Variants in NME7 observed in about 807,000 individuals in gnomAD.
NME7 encodes the protein NME/NM23 family member 7, also known as nucleoside diphosphate kinase 7.
Under a neutral mutation model 49.1 loss-of-function variants are expected in NME7, and 41 were observed. The observed-to-expected ratio is 0.83, with a 90% CI of 0.65 to 1.08. The LOEUF (loss-of-function observed/expected upper bound fraction) is 1.08, where lower values mean the gene tolerates loss of function less well. Ranked by LOEUF, NME7 falls within the 50% of genes least tolerant of loss-of-function variation. The probability of loss-of-function intolerance (pLI) is 0.00; values close to 1 mark genes in which losing one functional copy is unlikely to be tolerated. For missense variants in NME7, 423 were observed against 463.4 expected, an observed-to-expected ratio of 0.91 and a Z score of 0.80; for synonymous variants, 139 against 150.6, an observed-to-expected ratio of 0.92 and a Z score of 0.56.
intron 10 of NME7, among the ~76,000 whole-genome samples, chr1:169,217,342 C>T (rs1660999136): frequency 6.6e-6 from 1 of 152,048 alleles, no homozygotes; most frequent in Non-Finnish European, 1.5e-5. Context: ...AATTGGGATG[C>T]ACTCCAAGTG....
intron 1 of NME7, among the ~76,000 whole-genome samples, chr1:169,366,099 T>C (rs572156386): frequency 1.3e-5 from 2 of 152,284 alleles, no homozygotes; most frequent in South Asian, 4.1e-4. Flanking sequence ...GTAGAATCCA[T>C]GTGAGTGGAC....
intron 1 of NME7, among the ~76,000 whole-genome samples, chr1:169,346,576 C>T (rs1428029214): frequency 6.6e-6 from 1 of 152,214 alleles, no homozygotes; most frequent in Non-Finnish European, 1.5e-5. Flanking sequence ...TCAGTACCCC[C>T]AACATTCATT....
At chr1:169,352,366 T>TA (rs1352600861) in intron 1 of NME7, among the ~76,000 whole-genome samples, 71 of 152,152 alleles carry the variant, frequency 4.7e-4, no homozygotes, top group Non-Finnish European at 8.1e-4. Context: ...AAGCATTTGA[T>TA]AAAATTCAAC....
chr1:169,274,622 C>T (rs1279473111), intron 7 of NME7, among the ~76,000 whole-genome samples: 1 of 133,186 alleles, frequency 7.5e-6, no homozygotes, highest in African/African-American at 2.5e-5. Flanking sequence ...AGTCTTTAAT[C>T]CATCTTGAAT....
intron 7 of NME7, among the ~76,000 whole-genome samples, chr1:169,279,351 C>A (rs1649898716): frequency 6.6e-6 from 1 of 152,228 alleles, no homozygotes. Context: ...CCAGTTCGAG[C>A]TTCCAGGCTG....
chr1:169,212,599 CTTTTT>C (rs71121740), intron 10 of NME7, among the ~76,000 whole-genome samples: 1 of 116,434 alleles, frequency 8.6e-6, no homozygotes. Context: ...AACAAATGTC[CTTTTT>C]TTTTTTTTTT....
chr1:169,301,803 C>T (rs1039393560), intron 5 of NME7, among the ~76,000 whole-genome samples: 5 of 152,068 alleles, frequency 3.3e-5, no homozygotes, highest in African/African-American at 1.2e-4. Flanking sequence ...TAATCCTAAA[C>T]AAATTAATCC....
intron 1 of NME7, among the ~76,000 whole-genome samples, chr1:169,346,360 T>C (rs898385702): frequency 7.9e-5 from 12 of 152,192 alleles, no homozygotes; most frequent in African/African-American, 2.7e-4. Flanking sequence ...TTGCTTACTT[T>C]GCCTTAGCCA....
chr1:169,274,329 T>A (rs556421014), intron 7 of NME7, among the ~76,000 whole-genome samples: 1,628 of 133,674 alleles, frequency 0.012, 271 homozygotes, highest in African/African-American at 0.026. Context: ...TTTTTTCTTG[T>A]AAATTTGTTT....
intron 10 of NME7, among the ~76,000 whole-genome samples, chr1:169,227,128 T>C (rs1197377675): frequency 6.6e-6 from 1 of 152,102 alleles, no homozygotes; most frequent in South Asian, 2.1e-4. Flanking sequence ...AGAAAAAAAA[T>C]GGGAATCAGC....
rs77271624 is a variant in NME7 at position 169,231,853 on chromosome 1, C to A, written c.889-1034G>T. Among the ~76,000 whole-genome samples, 1,256 of 152,176 alleles carry A rather than the reference C, an allele frequency of 8.3e-3. 10 individuals carry two copies. Among genetic ancestry groups the A allele is most frequent in the Middle Eastern group, 0.02 (6 of 294 alleles). Reference sequence around the variant, plus strand: ...AAGACTCAAAAGTTTCAAATTGATTCCAAGTGATTTAACTAGGTGCCAGAC... The same window carrying A: ...AAGACTCAAAAGTTTCAAATTGATTACAAGTGATTTAACTAGGTGCCAGAC... On this transcript the variant is annotated intron_variant, in intron 9 of 11. Coordinates refer to ENST00000367811, the MANE Select transcript of NME7 (RefSeq NM_013330.5).
At chr1:169,178,369 G>C (rs1659821138) in intron 10 of NME7, among the ~76,000 whole-genome samples, 1 of 152,100 alleles carries the variant, frequency 6.6e-6, no homozygotes, top group Non-Finnish European at 1.5e-5. Flanking sequence ...CTACCTTCTT[G>C]CTAATGTTGC....
At chr1:169,231,172 T>G (rs1647597672) in intron 9 of NME7, among the ~76,000 whole-genome samples, 1 of 152,140 alleles carries the variant, frequency 6.6e-6, no homozygotes, top group Admixed American at 6.5e-5. Context: ...GGTTTTATCC[T>G]AAAAAACCTT....
In NME7 at chr1:169,258,395, TATATATATATAC is replaced by T. The variant is rs1285929841; in HGVS notation, c.755-20720_755-20709del. ...TAAAACATATATATATATATATATA[TATATATATATAC>T]ACACACACACACACACATACACACA... On this transcript the variant is annotated intron_variant, in intron 7 of 11. Coordinates refer to ENST00000367811, the MANE Select transcript of NME7 (RefSeq NM_013330.5). Among the ~76,000 whole-genome samples, 506 of 75,780 alleles carry T rather than the reference TATATATATATAC, an allele frequency of 6.7e-3. 34 individuals carry two copies. Among genetic ancestry groups the T allele is most frequent in the East Asian group, 0.051 (13 of 256 alleles). 49.7% of individuals were successfully genotyped at this position (75,780 alleles called of 152,430 possible).
intron 10 of NME7, among the ~76,000 whole-genome samples, chr1:169,221,961 G>T (rs10919101): frequency 0.31 from 46,674 of 151,858 alleles, 7,749 homozygotes; most frequent in Non-Finnish European, 0.39. Flanking sequence ...ACAGGGTCTT[G>T]CTATATTGAC....
chr1:169,278,820 T>C (rs1481281004), intron 7 of NME7, among the ~76,000 whole-genome samples: 2 of 152,210 alleles, frequency 1.3e-5, no homozygotes, highest in African/African-American at 4.8e-5. Context: ...TGGTTTTATC[T>C]ACTTTTGATC....
chr1:169,308,946 G>A (rs964868641), intron 4 of NME7, among the ~76,000 whole-genome samples: 30 of 151,964 alleles, frequency 2.0e-4, no homozygotes, highest in Non-Finnish European at 3.4e-4. Context: ...ATTTCCAAAT[G>A]CATCATCTTT....
At chr1:169,288,828 C>T (rs1034250331) in intron 6 of NME7, among the ~76,000 whole-genome samples, 5 of 151,898 alleles carry the variant, frequency 3.3e-5, no homozygotes, top group African/African-American at 4.8e-5. Context: ...TTGCATGGTC[C>T]GAGAGAACCT....
intron 7 of NME7, among the ~76,000 whole-genome samples, chr1:169,280,567 T>G (rs748437621): frequency 6.8e-6 from 1 of 147,992 alleles, no homozygotes; most frequent in Non-Finnish European, 1.5e-5. Context: ...CAAGGATTTC[T>G]TCTAAGATTT....
Sources: allele counts gnomAD v4.1 joint callset (sites outside exome capture counted in the v4.1 genomes callset), GRCh38; gene constraint gnomAD v4.1.1; transcripts MANE v1.5; gene names NCBI Gene and HGNC (gene_info 2026-07-23, HGNC 2026-07-21).